ABTB3: variants seen among roughly 807,000 people sequenced by gnomAD.
ABTB3 encodes the protein ankyrin repeat- and BTB/POZ domain-containing protein 3.
chr12:107,405,360 A>G, the ABTB3 span, among the ~76,000 whole-genome samples: 2 of 152,258 alleles, frequency 1.3e-5, no homozygotes, highest in Non-Finnish European at 2.9e-5. Context: ...CATATCCATT[A>G]AATAGCAACC....
chr12:107,573,476 GGA>G, the ABTB3 span, among the ~76,000 whole-genome samples: 9 of 151,856 alleles, frequency 5.9e-5, no homozygotes, highest in African/African-American at 1.2e-4. Flanking sequence ...ATGGATGGAT[GGA>G]TGGATGGATG....
the ABTB3 span, among the ~76,000 whole-genome samples, chr12:107,365,632 C>T: frequency 6.6e-6 from 1 of 152,150 alleles, no homozygotes; most frequent in African/African-American, 2.4e-5. Flanking sequence ...TGACCCCCAA[C>T]TTGTCCCACC....
the ABTB3 span, chr12:107,544,266 G>T: frequency 8.9e-6 from 9 of 1,012,538 alleles, no homozygotes; most frequent in Admixed American, 2.5e-5. Flanking sequence ...GAGTGGTCCC[G>T]GTGGGAACCT....
the ABTB3 span, among the ~76,000 whole-genome samples, chr12:107,639,169 G>A: frequency 0.22 from 33,705 of 152,128 alleles, 3,999 homozygotes; most frequent in Non-Finnish European, 0.28. Flanking sequence ...GCCCCAGAGG[G>A]GAGAGAGCAC....
the ABTB3 span, among the ~76,000 whole-genome samples, chr12:107,518,997 C>T: frequency 1.3e-5 from 2 of 152,222 alleles, no homozygotes; most frequent in African/African-American, 4.8e-5. Context: ...TGTGTTCTCT[C>T]CCTCACTATA....
At chr12:107,615,655 A>G in the ABTB3 span, among the ~76,000 whole-genome samples, 1 of 152,210 alleles carries the variant, frequency 6.6e-6, no homozygotes, top group African/African-American at 2.4e-5. Context: ...CAGGTCCAGG[A>G]GGTCTAGAGT....
chr12:107,450,345 G>A, the ABTB3 span, among the ~76,000 whole-genome samples: 5 of 152,230 alleles, frequency 3.3e-5, no homozygotes, highest in African/African-American at 1.2e-4. Flanking sequence ...ACTAAATGGA[G>A]AAGAGAAGTA....
the ABTB3 span, among the ~76,000 whole-genome samples, chr12:107,413,369 C>T: frequency 6.6e-6 from 1 of 152,296 alleles, no homozygotes; most frequent in Non-Finnish European, 1.5e-5. Context: ...TTGGCAAGTT[C>T]AAGTAGCTTG....
the ABTB3 span, among the ~76,000 whole-genome samples, chr12:107,476,860 T>C: frequency 6.6e-6 from 1 of 152,118 alleles, no homozygotes; most frequent in East Asian, 1.9e-4. Flanking sequence ...GACTTGTGTG[T>C]GCATAAACAC....
At chr12:107,381,954 A>T in the ABTB3 span, among the ~76,000 whole-genome samples, 1 of 152,252 alleles carries the variant, frequency 6.6e-6, no homozygotes, top group African/African-American at 2.4e-5. Context: ...GCAATTTATT[A>T]TAACTCATTC....
chr12:107,495,700 G>A, the ABTB3 span, among the ~76,000 whole-genome samples: 2 of 152,232 alleles, frequency 1.3e-5, no homozygotes, highest in South Asian at 4.1e-4. Context: ...TTGCCTCTTG[G>A]GGTATGGTGA....
the ABTB3 span, among the ~76,000 whole-genome samples, chr12:107,504,963 A>T: frequency 6.6e-6 from 1 of 152,206 alleles, no homozygotes; most frequent in African/African-American, 2.4e-5. Flanking sequence ...ATTTTTTACC[A>T]TGAACTCTAC....
chr12:107,409,689 C>T, the ABTB3 span, among the ~76,000 whole-genome samples: 2 of 152,152 alleles, frequency 1.3e-5, no homozygotes, highest in Non-Finnish European at 2.9e-5. Flanking sequence ...ACAACACACA[C>T]TGGGGCTTGT....
the ABTB3 span, among the ~76,000 whole-genome samples, chr12:107,328,211 A>T: frequency 1.3e-5 from 2 of 152,212 alleles, no homozygotes; most frequent in South Asian, 4.1e-4. Flanking sequence ...ACAGATTAAG[A>T]AGTTGAGGAA....
At chr12:107,382,477 A>G in the ABTB3 span, among the ~76,000 whole-genome samples, 2 of 152,172 alleles carry the variant, frequency 1.3e-5, no homozygotes, top group Non-Finnish European at 2.9e-5. Flanking sequence ...ATTGGTGTAT[A>G]GGAATGCTTG....
At chr12:107,549,382 A>G in the ABTB3 span, among the ~76,000 whole-genome samples, 3 of 152,230 alleles carry the variant, frequency 2.0e-5, no homozygotes, top group African/African-American at 7.2e-5. Context: ...AGTGAGATTC[A>G]AACTTCAACT....
the ABTB3 span, among the ~76,000 whole-genome samples, chr12:107,369,407 T>C: frequency 1.3e-5 from 2 of 150,852 alleles, no homozygotes; most frequent in Non-Finnish European, 3.0e-5. Context: ...TTTTTTTTTT[T>C]TTCTTTTTGA....
At chr12:107,543,569 A>G in the ABTB3 span, among the ~76,000 whole-genome samples, 3 of 152,192 alleles carry the variant, frequency 2.0e-5, no homozygotes, top group African/African-American at 4.8e-5. Context: ...CATTCTTGTG[A>G]CTACAGTTAA....
chr12:107,534,405 GA>G, the ABTB3 span, among the ~76,000 whole-genome samples: 1 of 151,604 alleles, frequency 6.6e-6, no homozygotes, highest in Admixed American at 6.6e-5. Context: ...AAAGCAAGAA[GA>G]AAGCAAACCC....
Sources: allele counts gnomAD v4.1 joint callset (sites outside exome capture counted in the v4.1 genomes callset), GRCh38; gene constraint gnomAD v4.1.1; transcripts MANE v1.5; gene names NCBI Gene and HGNC (gene_info 2026-07-23, HGNC 2026-07-21).